Variants in CADM2 observed in about 807,000 individuals in gnomAD.
CADM2 encodes cell adhesion molecule 2.
In CADM2, 12 loss-of-function variants were observed where a neutral mutation model predicts 49.8. The observed-to-expected ratio is 0.24, with a 90% CI of 0.15 to 0.39. The LOEUF is 0.39. CADM2 is among the 10% of genes least tolerant of loss of function. The pLI is 1.00. For missense variants in CADM2, 378 were observed against 492.3 expected (o/e 0.77, Z 2.20); for synonymous variants, 214 against 175.4 (o/e 1.22, Z -1.74).
chr3:86,001,421 CA>C (rs1730181045), intron 8 of CADM2, among the ~76,000 whole-genome samples: 1 of 150,046 alleles, frequency 6.7e-6, no homozygotes, highest in African/African-American at 2.4e-5. Flanking sequence ...GAACTTGTAG[CA>C]GTGCAAATTT....
rs1426348131 is a variant in CADM2 at position 85,936,327 on chromosome 3, A to T, written c.791+470A>T. 2.0e-5 allele frequency among the ~76,000 whole-genome samples: 3 copies of T among 151,662 alleles called. No individual in the cohort carries two copies. The Admixed American group carries it at 2.0e-4, about 10-fold the overall frequency. On this transcript the variant is annotated intron_variant, in intron 7 of 9. Transcript: ENST00000383699. ...CAATGAAACAAGTAATGGGTCACAA[A>T]CTCAATGTGTTTAATTGTAAAGTAA...
chr3:85,381,769 G>A (rs2033923643), intron 1 of CADM2, among the ~76,000 whole-genome samples: 1 of 152,006 alleles, frequency 6.6e-6, no homozygotes, highest in Non-Finnish European at 1.5e-5. Flanking sequence ...GCTGCAGGAT[G>A]TGGGATGACT....
At chr3:85,497,889 G>A (rs1426834109) in intron 1 of CADM2, among the ~76,000 whole-genome samples, 7 of 151,488 alleles carry the variant, frequency 4.6e-5, no homozygotes, top group Admixed American at 4.6e-4. Context: ...ATGTATTTGT[G>A]TGTGTGTTTG....
At chr3:85,221,451 A>G (rs529859803) in intron 1 of CADM2, among the ~76,000 whole-genome samples, 8 of 152,270 alleles carry the variant, frequency 5.3e-5, no homozygotes, top group Admixed American at 4.6e-4. Flanking sequence ...CTCTCTTCAC[A>G]CCATCTAATT....
intron 1 of CADM2, among the ~76,000 whole-genome samples, chr3:85,498,043 C>G (rs551091996): frequency 5.9e-5 from 9 of 152,166 alleles, no homozygotes; most frequent in Admixed American, 5.9e-4. Context: ...GACATACACA[C>G]AGTGGCAAAA....
At chr3:85,924,899 C>T (rs1268043163) in intron 6 of CADM2, among the ~76,000 whole-genome samples, 1 of 152,156 alleles carries the variant, frequency 6.6e-6, no homozygotes, top group Non-Finnish European at 1.5e-5. Context: ...AAAATACAAC[C>T]AACCCCCTAT....
chr3:85,642,926 A>G (rs975699294), intron 1 of CADM2, among the ~76,000 whole-genome samples: 3 of 152,184 alleles, frequency 2.0e-5, no homozygotes, highest in African/African-American at 7.2e-5. Context: ...ATTCTTTTTC[A>G]CAGTATTTCA....
chr3:85,851,073 C>T (rs1278013388), intron 3 of CADM2, among the ~76,000 whole-genome samples: 1 of 152,116 alleles, frequency 6.6e-6, no homozygotes, highest in African/African-American at 2.4e-5. Context: ...CAAAGTCTTT[C>T]CCCCACTATA....
At chr3:85,037,415 A>G (rs966426090) in intron 1 of CADM2, among the ~76,000 whole-genome samples, 2 of 152,040 alleles carry the variant, frequency 1.3e-5, no homozygotes, top group East Asian at 1.9e-4. Context: ...CCCAAAGTTC[A>G]CTCTTGAACG....
At chr3:85,620,629 T>G (rs6549046) in intron 1 of CADM2, among the ~76,000 whole-genome samples, 71,978 of 151,888 alleles carry the variant, frequency 0.47, 19,804 homozygotes, top group African/African-American at 0.77. Flanking sequence ...TTTTAAAAAA[T>G]CATCAAACAC....
intron 3 of CADM2, among the ~76,000 whole-genome samples, chr3:85,867,498 A>G (rs926564350): frequency 6.6e-6 from 1 of 152,078 alleles, no homozygotes; most frequent in African/African-American, 2.4e-5. Flanking sequence ...TGCTGTTGCC[A>G]GTCTCAAAAG....
At chr3:85,179,984 G>A (rs574629926) in intron 1 of CADM2, among the ~76,000 whole-genome samples, 20 of 151,840 alleles carry the variant, frequency 1.3e-4, no homozygotes, top group African/African-American at 4.8e-4. Context: ...ACAGGCACTG[G>A]GGATACAGCA....
At chr3:85,272,422 G>GA (rs1235137685) in intron 1 of CADM2, among the ~76,000 whole-genome samples, 1 of 150,608 alleles carries the variant, frequency 6.6e-6, no homozygotes, top group African/African-American at 2.4e-5. Flanking sequence ...TTCTGAAAAA[G>GA]AAAAAAAGAT....
intron 1 of CADM2, among the ~76,000 whole-genome samples, chr3:85,693,566 C>CAA (rs562723713): frequency 0.25 from 18,572 of 75,710 alleles, 1,932 homozygotes; most frequent in Non-Finnish European, 0.3. Flanking sequence ...GGCGAAAGAG[C>CAA]AAAAAAAAAA....
At chr3:85,282,756 A>G (rs1296324125) in intron 1 of CADM2, among the ~76,000 whole-genome samples, 1 of 152,106 alleles carries the variant, frequency 6.6e-6, no homozygotes, top group Non-Finnish European at 1.5e-5. Flanking sequence ...GCTTATTAAA[A>G]CAATAGAACT....
At chr3:85,397,258 C>G (rs1420972410) in intron 1 of CADM2, among the ~76,000 whole-genome samples, 1 of 151,986 alleles carries the variant, frequency 6.6e-6, no homozygotes, top group Non-Finnish European at 1.5e-5. Context: ...ATAGAAAATA[C>G]CAAGTTATTA....
Position 85,642,495 on chromosome 3 carries a change from T to TA in CADM2, c.62-84019dup, listed in dbSNP as rs566944754. Among the ~76,000 whole-genome samples, 17 of 151,932 alleles carry TA rather than the reference T, an allele frequency of 1.1e-4. No individual in the cohort carries two copies. The South Asian group carries it at 3.1e-3, about 28-fold the overall frequency. ...AATGGAAGGTTTTTAAAAAATAGTT[T>TA]AAAAAAAAGCTGTTGTCACTTTTCA... On this transcript the variant is annotated intron_variant, in intron 1 of 9. Coordinates refer to ENST00000383699, the MANE Select transcript of CADM2 (RefSeq NM_001167675.2).
At chr3:86,006,203 C>T (rs1024802234) in intron 8 of CADM2, among the ~76,000 whole-genome samples, 1 of 152,140 alleles carries the variant, frequency 6.6e-6, no homozygotes, top group Non-Finnish European at 1.5e-5. Flanking sequence ...TTTTACTACC[C>T]AATTTTTGCT....
At chr3:85,606,459 T>G (rs186230455) in intron 1 of CADM2, among the ~76,000 whole-genome samples, 2 of 152,242 alleles carry the variant, frequency 1.3e-5, no homozygotes, top group East Asian at 3.9e-4. Flanking sequence ...ACTTTGGAAG[T>G]AATATACTAT....
Sources: gnomAD v4.1 joint callset for allele counts (sites outside exome capture counted in the v4.1 genomes callset) on GRCh38, gnomAD v4.1.1 for gene constraint, MANE v1.5 for transcripts, NCBI Gene and HGNC (gene_info 2026-07-23, HGNC 2026-07-21) for gene names.